Variants in TAFA1 observed in about 807,000 individuals in gnomAD.
TAFA1 encodes chemokine-like protein TAFA-1.
A neutral mutation model predicts 18.5 loss-of-function variants in TAFA1; 4 were observed. The observed-to-expected ratio is 0.22, with a 90% CI of 0.11 to 0.49. The LOEUF (loss-of-function observed/expected upper bound fraction) is 0.49. Among genes scored for constraint, TAFA1 ranks in the 20% least tolerant of loss-of-function variants. TAFA1 has a pLI of 0.98. For missense variants in TAFA1, 147 were observed against 169.0 expected (o/e 0.87, Z 0.72); for synonymous variants, 56 against 55.2 (o/e 1.01, Z -0.06).
chr3:68,091,141 A>G (rs1215681807), intron 2 of TAFA1, among the ~76,000 whole-genome samples: 1 of 152,164 alleles, frequency 6.6e-6, no homozygotes, highest in Non-Finnish European at 1.5e-5. Context: ...AAATGACAAT[A>G]TAAGTTAGTA....
chr3:68,183,315 C>A (rs769946680), intron 2 of TAFA1, among the ~76,000 whole-genome samples: 2 of 152,078 alleles, frequency 1.3e-5, no homozygotes, highest in Non-Finnish European at 2.9e-5. Context: ...CCTCATTATG[C>A]CCCATGATTG....
At chr3:68,101,937 T>G (rs1015458553) in intron 2 of TAFA1, among the ~76,000 whole-genome samples, 1 of 152,174 alleles carries the variant, frequency 6.6e-6, no homozygotes, top group Admixed American at 6.6e-5. Context: ...TGGTTCCAGA[T>G]AGAGAAAATT....
rs751633297 is a variant in TAFA1, at chr3:68,161,495, C to A, written c.118+154751C>A. Among the ~76,000 whole-genome samples the A allele has an allele frequency of 4.3e-4, 66 of 152,200 alleles. 1 individual carries two copies. Among genetic ancestry groups the A allele is most frequent in the Non-Finnish European group, 5.9e-5 (4 of 68,046 alleles). ...CCCAGAATTTGGTGATGGAACCCAG[C>A]AATGTAGGAGCTGTGTAAATCATTT... On this transcript the variant is annotated intron_variant, in intron 2 of 4. Coordinates refer to ENST00000478136, the MANE Select transcript of TAFA1 (RefSeq NM_213609.4).
intron 2 of TAFA1, among the ~76,000 whole-genome samples, chr3:68,265,269 T>C (rs1339252762): frequency 6.6e-6 from 1 of 152,184 alleles, no homozygotes; most frequent in Admixed American, 6.5e-5. Context: ...ATTTTCTTTG[T>C]CTTCCTTGCT....
At chr3:68,035,026 C>A (rs956813822) in intron 2 of TAFA1, among the ~76,000 whole-genome samples, 1 of 152,146 alleles carries the variant, frequency 6.6e-6, no homozygotes, top group East Asian at 1.9e-4. Context: ...ACAGATAGGG[C>A]TGCTCATCCA....
At chr3:68,525,596 A>G (rs370560648) in intron 3 of TAFA1, among the ~76,000 whole-genome samples, 28 of 152,342 alleles carry the variant, frequency 1.8e-4, no homozygotes, top group African/African-American at 6.3e-4. Flanking sequence ...GGTCAAAGGC[A>G]TATTCCAGAG....
intron 3 of TAFA1, among the ~76,000 whole-genome samples, chr3:68,424,592 A>G (rs1196644348): frequency 6.6e-6 from 1 of 151,964 alleles, no homozygotes; most frequent in Non-Finnish European, 1.5e-5. Flanking sequence ...TCATGATACA[A>G]TTTTCTTGAC....
rs71112615 is a variant in TAFA1 at position 68,134,090 on chromosome 3, G to GAA, written c.118+127355_118+127356dup. Among the ~76,000 whole-genome samples the GAA allele has an allele frequency of 3.8e-3, 535 of 141,482 alleles. 10 individuals are homozygous for GAA. The highest frequency in any genetic ancestry group is 0.017 in the South Asian group (76 of 4,524). 92.8% of individuals were successfully genotyped at this position (141,482 alleles called of 152,430 possible). A position where few individuals can be genotyped will look rare whatever the true frequency, so the allele number is the denominator to read the frequency against. ...TGGAAAAAAAAAAAAAAAACAATGA[G>GAA]AAAAAAAAAACAATGATTGATTCAT... On this transcript the variant is annotated intron_variant, in intron 2 of 4. Coordinates refer to ENST00000478136, the MANE Select transcript of TAFA1 (RefSeq NM_213609.4).
At chr3:68,293,625 A>G (rs375910879) in intron 2 of TAFA1, among the ~76,000 whole-genome samples, 4 of 152,302 alleles carry the variant, frequency 2.6e-5, no homozygotes, top group African/African-American at 9.6e-5. Flanking sequence ...GAGATATTGC[A>G]TAGATCAGGA....
At chr3:68,087,385 A>T (rs1250098134) in intron 2 of TAFA1, among the ~76,000 whole-genome samples, 1 of 152,334 alleles carries the variant, frequency 6.6e-6, no homozygotes, top group South Asian at 2.1e-4. Flanking sequence ...AATTTAAAAA[A>T]TAATAATTAA....
intron 3 of TAFA1, among the ~76,000 whole-genome samples, chr3:68,426,722 T>C (rs912855757): frequency 6.6e-6 from 1 of 151,866 alleles, no homozygotes; most frequent in Non-Finnish European, 1.5e-5. Context: ...ACAAAGAAGA[T>C]GATAAATAGG....
intron 2 of TAFA1, among the ~76,000 whole-genome samples, chr3:68,401,938 A>G (rs1298833526): frequency 6.6e-6 from 1 of 152,212 alleles, no homozygotes; most frequent in Non-Finnish European, 1.5e-5. Context: ...ACAGAGTAGA[A>G]ATAACTAATA....
At chr3:68,082,428 G>T (rs2064917067) in intron 2 of TAFA1, among the ~76,000 whole-genome samples, 2 of 152,108 alleles carry the variant, frequency 1.3e-5, no homozygotes, top group Non-Finnish European at 2.9e-5. Flanking sequence ...ATCAACATAG[G>T]GTTATAAGTC....
At chr3:68,119,648 G>A (rs1559527279) in intron 2 of TAFA1, among the ~76,000 whole-genome samples, 1 of 151,416 alleles carries the variant, frequency 6.6e-6, no homozygotes, top group Non-Finnish European at 1.5e-5. Flanking sequence ...TTTTCACATT[G>A]AATGATCTTG....
intron 3 of TAFA1, among the ~76,000 whole-genome samples, chr3:68,510,230 A>G (rs2072825056): frequency 6.6e-6 from 1 of 152,094 alleles, no homozygotes; most frequent in Admixed American, 6.6e-5. Context: ...CTACCTTAGT[A>G]TCCATTGCTG....
intron 3 of TAFA1, among the ~76,000 whole-genome samples, chr3:68,464,616 G>A (rs1234213396): frequency 1.3e-5 from 2 of 152,196 alleles, no homozygotes; most frequent in Non-Finnish European, 2.9e-5. Context: ...GCAGGGTCTT[G>A]TAGAGGACAG....
intron 2 of TAFA1, among the ~76,000 whole-genome samples, chr3:68,067,764 C>T (rs2064699329): frequency 1.3e-5 from 2 of 151,506 alleles, no homozygotes; most frequent in African/African-American, 4.9e-5. Context: ...CCTTTCTTCC[C>T]TCTTTCCTTC....
At chr3:68,426,578 A>T (rs2071058362) in intron 3 of TAFA1, among the ~76,000 whole-genome samples, 1 of 151,918 alleles carries the variant, frequency 6.6e-6, no homozygotes, top group African/African-American at 2.4e-5. Flanking sequence ...CATCAATCAA[A>T]TAGGCAGAGA....
intron 3 of TAFA1, among the ~76,000 whole-genome samples, chr3:68,471,268 G>A (rs948980882): frequency 2.6e-5 from 4 of 152,226 alleles, no homozygotes; most frequent in African/African-American, 4.8e-5. Context: ...CTAGGGCAGT[G>A]CAGAAGGGAA....
Sources: gnomAD v4.1 joint callset for allele counts (sites outside exome capture counted in the v4.1 genomes callset) on GRCh38, gnomAD v4.1.1 for gene constraint, MANE v1.5 for transcripts, NCBI Gene and HGNC (gene_info 2026-07-23, HGNC 2026-07-21) for gene names.